Variants in OTUB1 observed in about 807,000 individuals in gnomAD.
OTUB1 encodes OTU deubiquitinase, ubiquitin aldehyde binding 1.
In OTUB1, 10 loss-of-function variants were observed where a neutral mutation model predicts 35.8. The ratio of observed to expected loss-of-function variants is 0.28; its 90% CI spans 0.17 to 0.47. OTUB1 has a LOEUF of 0.47. OTUB1 is among the 20% of genes least tolerant of loss of function. The pLI is 0.99. For missense variants in OTUB1, 264 were observed against 351.6 expected, an observed-to-expected ratio of 0.75 and a Z score of 1.99; for synonymous variants, 158 against 143.8, an observed-to-expected ratio of 1.10 and a Z score of -0.71.
In OTUB1 at chr11:63,998,135, G is replaced by GATCTA; in HGVS notation, c.*589_*590insATCTA. 10 of 306,802 alleles carry GATCTA rather than the reference G, an allele frequency of 3.3e-5. No homozygotes were observed. Among genetic ancestry groups the GATCTA allele is most frequent in the South Asian group, 1.4e-4 (4 of 27,876 alleles). 19.0% of individuals were successfully genotyped at this position (306,802 alleles called of 1,614,324 possible). On this transcript the variant is annotated 3_prime_UTR_variant, in exon 7 of 7. Transcript: ENST00000538426. ...GCTGGGCCTCCCACAGGGTGCCCGG[G>GATCTA]CAGTGCCATCCTGGTGGGGGAGGGC...
intron 3 of OTUB1, among the ~76,000 whole-genome samples, chr11:63,994,288 T>C (rs1052408382): frequency 6.6e-6 from 1 of 152,130 alleles, no homozygotes; most frequent in Non-Finnish European, 1.5e-5. Context: ...AGTCTCCCTT[T>C]GTTGCCCAGG....
chr11:63,993,533 G>A (rs1326404603), intron 3 of OTUB1, among the ~76,000 whole-genome samples: 3 of 151,896 alleles, frequency 2.0e-5, no homozygotes, highest in South Asian at 2.1e-4. Context: ...GCATAGTGGC[G>A]CGCGCCTGTA....
Position 63,996,451 on chromosome 11 carries a change from C to T in OTUB1, c.220-79C>T, listed in dbSNP as rs909047996. On this transcript the variant is annotated intron_variant, in intron 3 of 6. Coordinates refer to ENST00000538426, the MANE Select transcript of OTUB1 (RefSeq NM_017670.3). ...CTCAGTTGCCACCTTTGGAGTGTGACCTTTGCTGGGGGACATTTCCTTGGC... is the reference window on the plus strand; with the variant it reads ...CTCAGTTGCCACCTTTGGAGTGTGATCTTTGCTGGGGGACATTTCCTTGGC... The T allele has an allele frequency of 1.2e-4, 184 of 1,502,644 alleles. 1 individual carries two copies. The highest frequency in any genetic ancestry group is 1.9e-5 in the Non-Finnish European group (21 of 1,091,342). The allele number at this position is 1,502,644 out of a possible 1,614,324, so 93.1% of individuals were successfully genotyped here. A position where few individuals can be genotyped will look rare whatever the true frequency, so the allele number is the denominator to read the frequency against.
intron 3 of OTUB1, among the ~76,000 whole-genome samples, chr11:63,995,517 G>A (rs1333321567): frequency 6.6e-6 from 1 of 151,632 alleles, no homozygotes; most frequent in Non-Finnish European, 1.5e-5. Context: ...TTAGAGAGAC[G>A]GGGGTCTCAC....
At chr11:63,996,400 C>T in intron 3 of OTUB1, 130 bp from the exon 4 acceptor site, 2 of 927,038 alleles carry the variant, frequency 2.2e-6, no homozygotes, top group South Asian at 3.0e-5. Context: ...TTTCAGGGAC[C>T]CAGGGTGGCA....
In OTUB1 at chr11:63,988,766, C is replaced by A; in HGVS notation, c.219+14C>A. 3.8e-6 allele frequency: 6 copies of A among 1,583,224 alleles called. No homozygotes were observed. The highest frequency in any genetic ancestry group is 5.2e-6 in the Non-Finnish European group (6 of 1,152,800). ...CAGAAGATCAAGGTGGGAGCCTGGC[C>A]AGAGCGGGTGGGAAGCACCCTGGGG... On this transcript the variant is annotated intron_variant, in intron 3 of 6. Coordinates refer to ENST00000538426, the MANE Select transcript of OTUB1 (RefSeq NM_017670.3).
At chr11:63,989,356 C>CAG (rs1942649667) in intron 3 of OTUB1, 1 of 151,874 alleles carries the variant, frequency 6.6e-6, no homozygotes, top group African/African-American at 2.4e-5. Flanking sequence ...CTAGACTCTG[C>CAG]TACTCAGCAG....
chr11:63,994,075 C>T lies in OTUB1; in HGVS notation c.220-2455C>T, dbSNP rs532297859. Among the ~76,000 whole-genome samples the T allele has an allele frequency of 4.6e-5, 7 of 151,928 alleles. No individual in the cohort carries two copies. The East Asian group carries it at 5.8e-4, about 13-fold the overall frequency. On this transcript the variant is annotated intron_variant, in intron 3 of 6. Transcript: ENST00000538426. ...CTGGTAGGTTGATGCTGCAGTGAGCCGTGATCTTGCCACTGCACTCCAGCC... is the reference window on the plus strand; with the variant it reads ...CTGGTAGGTTGATGCTGCAGTGAGCTGTGATCTTGCCACTGCACTCCAGCC...
At chr11:63,990,016 A>G (rs1283858847) in intron 3 of OTUB1, 3 of 44,386 alleles carry the variant, frequency 6.8e-5, no homozygotes, top group Middle Eastern at 0.011. Flanking sequence ...CTCCGTCTCA[A>G]AAAAAAAAAA....
At chr11:63,996,403 G>A in intron 3 of OTUB1, 127 bp from the exon 4 acceptor site, 1 of 954,068 alleles carries the variant, frequency 1.0e-6, no homozygotes, top group Admixed American at 2.3e-5. Context: ...CAGGGACCCA[G>A]GGTGGCAGGT....
chr11:63,995,391 T>G (rs1057425774), intron 3 of OTUB1, among the ~76,000 whole-genome samples: 2 of 152,180 alleles, frequency 1.3e-5, no homozygotes, highest in Non-Finnish European at 2.9e-5. Context: ...AGATGGAGTT[T>G]CGCCATGTTG....
chr11:63,994,883 G>A (rs1396480586), intron 3 of OTUB1, among the ~76,000 whole-genome samples: 1 of 152,190 alleles, frequency 6.6e-6, no homozygotes, highest in Non-Finnish European at 1.5e-5. Context: ...GAGTTTTGCT[G>A]TAAAGAAAGC....
chr11:63,996,075 G>T (rs1179967302), intron 3 of OTUB1, among the ~76,000 whole-genome samples: 1 of 152,138 alleles, frequency 6.6e-6, no homozygotes, highest in Non-Finnish European at 1.5e-5. Flanking sequence ...CTTAGAGGTG[G>T]GGGAACTCTT....
intron 3 of OTUB1, among the ~76,000 whole-genome samples, chr11:63,995,437 C>T (rs891676127): frequency 2.0e-5 from 3 of 148,316 alleles, no homozygotes; most frequent in Non-Finnish European, 2.9e-5. Context: ...CTCAGGTGAT[C>T]CAACCACCTC....
chr11:63,997,362 T>C lies in OTUB1; in HGVS notation c.632T>C (p.Met211Thr). Residue 211 changes from methionine (M) to threonine (T), a missense_variant, in exon 7 of 7, where the codon ATG (methionine) becomes ACG (threonine). Met to Thr is a moderately conservative substitution (Grantham distance 81). Around this residue, in one of 2 missense-constraint regions of OTUB1, gnomAD observed 214 missense variants for 317.1 expected, o/e 0.67. Coordinates refer to ENST00000538426, the MANE Select transcript of OTUB1 (RefSeq NM_017670.3). Reference sequence around the variant, plus strand: ...CCTGTGCCACAGGAGGTGGAGCCCATGTGCAAGGAGAGCGACCACATCCAC... The same window carrying C: ...CCTGTGCCACAGGAGGTGGAGCCCACGTGCAAGGAGAGCGACCACATCCAC... ...KEFCQQEVEP[M>T]CKESDHIHII... is the part of the protein sequence containing the mutation. 6.2e-7 allele frequency: 1 copy of C among 1,613,976 alleles called. No homozygotes were observed. Among genetic ancestry groups the C allele is most frequent in the Non-Finnish European group, 8.5e-7 (1 of 1,180,000 alleles).
intron 3 of OTUB1, among the ~76,000 whole-genome samples, chr11:63,996,097 G>A (rs539123238): frequency 1.4e-4 from 22 of 152,286 alleles, no homozygotes; most frequent in African/African-American, 3.6e-4. Flanking sequence ...TCAGTGTGGC[G>A]GGAGCGGGGC....
intron 3 of OTUB1, among the ~76,000 whole-genome samples, chr11:63,993,493 C>T (rs1047008434): frequency 2.0e-5 from 3 of 151,906 alleles, no homozygotes; most frequent in East Asian, 3.9e-4. Flanking sequence ...GAAACCCCAT[C>T]TCTACTAAAA....
chr11:63,996,976 G>T (rs1336655334), intron 5 of OTUB1, 35 bp downstream of exon 5: 1 of 1,613,386 alleles, frequency 6.2e-7, no homozygotes. Flanking sequence ...CTGGGCCATG[G>T]GGGAGGGGTT....
intron 3 of OTUB1, among the ~76,000 whole-genome samples, chr11:63,993,419 T>C (rs1335570683): frequency 1.3e-5 from 2 of 152,136 alleles, no homozygotes; most frequent in African/African-American, 2.4e-5. Context: ...CCTAGCACTT[T>C]GGGAGGCCAA....
Sources: gnomAD v4.1 joint callset for allele counts (sites outside exome capture counted in the v4.1 genomes callset) on GRCh38, gnomAD v4.1.1 for gene constraint, gnomAD v4.1.1 regional missense constraint, MANE v1.5 for transcripts, NCBI Gene and HGNC (gene_info 2026-07-23, HGNC 2026-07-21) for gene names.